Variants in GLDC observed in about 807,000 individuals in gnomAD.
GLDC encodes the protein glycine dehydrogenase (decarboxylating), mitochondrial.
In GLDC, 104 loss-of-function variants were observed where a neutral mutation model predicts 121.3. That is an observed-to-expected ratio of 0.86 (90% CI 0.73 to 1.01). The LOEUF (loss-of-function observed/expected upper bound fraction) is 1.01, where lower values mean the gene tolerates loss of function less well. GLDC is among the 50% of genes least tolerant of loss of function. The pLI is 0.00. For synonymous variants in GLDC, 546 were observed against 480.6 expected, an observed-to-expected ratio of 1.14 and a Z score of -1.78; for missense variants, 1,429 against 1,306.6, an observed-to-expected ratio of 1.09 and a Z score of -1.44.
chr9:6,597,133 A>G (rs1474574345), intron 8 of GLDC, among the ~76,000 whole-genome samples: 1 of 152,246 alleles, frequency 6.6e-6, no homozygotes, highest in Non-Finnish European at 1.5e-5. Context: ...CACACATTGT[A>G]TGATCCCATT....
intron 2 of GLDC, among the ~76,000 whole-genome samples, chr9:6,626,560 T>TA (rs1210094012): frequency 6.6e-6 from 1 of 152,232 alleles, no homozygotes; most frequent in African/African-American, 2.4e-5. Context: ...TCATTTATAC[T>TA]AATTGGCCTT....
intron 3 of GLDC, among the ~76,000 whole-genome samples, chr9:6,618,018 T>C (rs10124449): frequency 0.21 from 32,132 of 152,158 alleles, 3,765 homozygotes; most frequent in East Asian, 0.43. Context: ...TACTCTGTCC[T>C]CATGTCATGA....
At position 6,606,594 on chromosome 9, in the gene GLDC, G is replaced by C. The variant is rs1230449862; in HGVS notation, c.711C>G (p.Ala237=). The change falls in exon 5 of 25, where the codon GCC becomes GCG. Residue 237 remains alanine, a splice_region_variant and synonymous_variant. Coordinates refer to ENST00000321612, the MANE Select transcript of GLDC (RefSeq NM_000170.3). ...AAAACACGAATCAAATTAATTACTT[G>C]GCTCGAGTCTGGACAACAGCTATTG... ...PQTIAVVQTR[A]KYTGVLTELK... 6.4e-7 allele frequency: 1 copy of C among 1,566,024 alleles called. No homozygotes were observed. The highest frequency in any genetic ancestry group is 1.7e-5 in the Admixed American group (1 of 59,948).
In GLDC at chr9:6,562,569, T is replaced by A. The variant is rs181549948; in HGVS notation, c.1926+2785A>T. Among the ~76,000 whole-genome samples the A allele has an allele frequency of 1.0e-3, 154 of 152,002 alleles. 1 individual carries two copies. In the East Asian group the frequency reaches 0.012, roughly 12 times the overall value. On this transcript the variant is annotated intron_variant, in intron 16 of 24. Transcript: ENST00000321612. ...GAAAGTTGGCTTTAATTAAAAAAAA[T>A]TTTTTTTTGAGAGGGAGTCTTGCTC...
chr9:6,558,465 C>A (rs774325106), intron 17 of GLDC, 94 bp downstream of exon 17: 13 of 1,401,364 alleles, frequency 9.3e-6, no homozygotes, highest in South Asian at 2.3e-5. Context: ...CATTAGAATG[C>A]AAGAGAAGAC....
rs148344431 is a variant in GLDC at position 6,539,237 on chromosome 9, G to A, written c.2665+814C>T. On this transcript the variant is annotated intron_variant, in intron 22 of 24. Coordinates refer to ENST00000321612, the MANE Select transcript of GLDC (RefSeq NM_000170.3). The stretch of plus-strand genomic sequence containing the variant: ...TCACACCTGTAATCCCAGCACTTTC[G>A]GAGGCCGAGGTGGGTGGATTGCCTG... 4.7e-3 allele frequency among the ~76,000 whole-genome samples: 709 copies of A among 152,142 alleles called. 6 individuals carry two copies. Among genetic ancestry groups the A allele is most frequent in the Non-Finnish European group, 6.5e-3 (440 of 68,002 alleles).
At chr9:6,544,233 G>A (rs986578427) in intron 21 of GLDC, among the ~76,000 whole-genome samples, 2 of 152,132 alleles carry the variant, frequency 1.3e-5, no homozygotes, top group Non-Finnish European at 2.9e-5. Flanking sequence ...GCGAGAATGA[G>A]GTTTCCCCGA....
At chr9:6,578,001 A>G (rs1818105078) in intron 15 of GLDC, among the ~76,000 whole-genome samples, 1 of 151,748 alleles carries the variant, frequency 6.6e-6, no homozygotes, top group Non-Finnish European at 1.5e-5. Flanking sequence ...TGCAGCCTCA[A>G]CCTCCTGGGC....
At chr9:6,558,974 A>C (rs1311593708) in intron 16 of GLDC, among the ~76,000 whole-genome samples, 1 of 152,218 alleles carries the variant, frequency 6.6e-6, no homozygotes, top group Non-Finnish European at 1.5e-5. Context: ...GACTTATTCT[A>C]ACCTTGTCTC....
intron 2 of GLDC, among the ~76,000 whole-genome samples, chr9:6,642,768 T>A (rs958176982): frequency 1.3e-5 from 2 of 152,150 alleles, no homozygotes; most frequent in Non-Finnish European, 2.9e-5. Context: ...ACCTAAACAT[T>A]CCCTGACTTT....
intron 1 of GLDC, chr9:6,644,929 A>G: frequency 1.6e-6 from 1 of 618,444 alleles, no homozygotes; most frequent in Middle Eastern, 4.3e-4. Context: ...GCTAACCGGT[A>G]AGCCCACTCT....
At chr9:6,587,093 C>G (rs764334429) in intron 15 of GLDC, 48 bp downstream of exon 15, 8 of 1,501,326 alleles carry the variant, frequency 5.3e-6, no homozygotes, top group Admixed American at 3.3e-5. Flanking sequence ...GTGGTGTATG[C>G]TATACAAGAA....
Position 6,595,136 on chromosome 9 carries a change from T to A in GLDC, c.1156-17A>T, listed in dbSNP as rs772417330. On this transcript the variant is annotated splice_polypyrimidine_tract_variant and intron_variant, in intron 8 of 24. Transcript: ENST00000321612. ...CAAGAGGGCCTAAAAGATAAGAACA[T>A]TTAAAGAATCACGTGATGGAGGACA... is the stretch of plus-strand genomic sequence containing the variant. 1 of 1,525,572 alleles carries A rather than the reference T, an allele frequency of 6.6e-7. No homozygotes were observed. Among genetic ancestry groups the A allele is most frequent in the Admixed American group, 1.7e-5 (1 of 59,900 alleles). The allele number at this position is 1,525,572 out of a possible 1,614,324, so 94.5% of individuals were successfully genotyped here. A position where few individuals can be genotyped will look rare whatever the true frequency, so the allele number is the denominator to read the frequency against.
chr9:6,608,762 T>A (rs911155013), intron 4 of GLDC, among the ~76,000 whole-genome samples: 31 of 151,030 alleles, frequency 2.1e-4, no homozygotes, highest in Admixed American at 9.9e-4. Flanking sequence ...ATAAATAAAT[T>A]AATAAATAAT....
intron 16 of GLDC, among the ~76,000 whole-genome samples, chr9:6,561,997 A>C (rs1256415605): frequency 3.9e-5 from 6 of 152,220 alleles, no homozygotes; most frequent in South Asian, 4.1e-4. Flanking sequence ...CATATAACAT[A>C]ATTTGTTTCC....
At chr9:6,644,741 T>G (rs1039269441) in intron 1 of GLDC, 49 bp from the exon 2 acceptor site, 16 of 1,278,444 alleles carry the variant, frequency 1.3e-5, no homozygotes, top group Admixed American at 1.7e-5. Flanking sequence ...GTTAAAAGAG[T>G]CACCTCTGTG....
intron 5 of GLDC, 21 bp from the exon 6 acceptor site, chr9:6,605,299 G>C: frequency 6.2e-7 from 1 of 1,612,562 alleles, no homozygotes; most frequent in Non-Finnish European, 8.5e-7. Context: ...AGACAACAAA[G>C]AACAATCGTG....
chr9:6,565,289 G>T, intron 16 of GLDC, 65 bp downstream of exon 16: 1 of 1,121,518 alleles, frequency 8.9e-7, no homozygotes, highest in South Asian at 1.2e-5. Context: ...TCCCACAGAA[G>T]GGACCCTGAG....
intron 3 of GLDC, among the ~76,000 whole-genome samples, chr9:6,617,591 C>T (rs532235652): frequency 2.3e-4 from 35 of 152,270 alleles, no homozygotes; most frequent in Admixed American, 6.5e-4. Context: ...CATTCACAGA[C>T]GCTACAGAGA....
Sources: gnomAD v4.1 joint callset for allele counts (sites outside exome capture counted in the v4.1 genomes callset) on GRCh38, gnomAD v4.1.1 for gene constraint, MANE v1.5 for transcripts, NCBI Gene and HGNC (gene_info 2026-07-23, HGNC 2026-07-21) for gene names.